ANKRD13B: variants seen among roughly 807,000 people sequenced by gnomAD.
ANKRD13B encodes ankyrin repeat domain 13B.
Under a neutral mutation model 74.4 loss-of-function variants are expected in ANKRD13B, and 33 were observed. That is an observed-to-expected ratio of 0.44 (90% CI 0.34 to 0.59). ANKRD13B has a LOEUF of 0.59. Ranked by LOEUF, ANKRD13B falls within the 20% of genes least tolerant of loss-of-function variation. The probability of loss-of-function intolerance (pLI) is 0.02; values close to 1 mark genes in which losing one functional copy is unlikely to be tolerated. For missense variants in ANKRD13B, 676 were observed against 877.9 expected (o/e 0.77, Z 2.91); for synonymous variants, 341 against 362.9 (o/e 0.94, Z 0.68).
chr17:29,601,072 C>T (rs2034159229), intron 1 of ANKRD13B, among the ~76,000 whole-genome samples: 1 of 151,618 alleles, frequency 6.6e-6, no homozygotes, highest in African/African-American at 2.4e-5. Flanking sequence ...GATAGGCATG[C>T]ACCACCACGC....
chr17:29,593,764 A>T, intron 1 of ANKRD13B, 29 bp downstream of exon 1: 1 of 1,321,066 alleles, frequency 7.6e-7, no homozygotes, highest in Non-Finnish European at 9.8e-7. Flanking sequence ...CGCCGCGGGG[A>T]CCCCGCGGCC....
intron 14 of ANKRD13B, 85 bp from the exon 15 acceptor site, chr17:29,613,269 G>A: frequency 7.2e-6 from 10 of 1,392,412 alleles, no homozygotes; most frequent in Non-Finnish European, 9.2e-6. Context: ...GCCGCGGGCC[G>A]CCCTGGAGCC....
At chr17:29,597,433 G>A (rs2071975081) in intron 1 of ANKRD13B, among the ~76,000 whole-genome samples, 1 of 152,110 alleles carries the variant, frequency 6.6e-6, no homozygotes. Context: ...GTACTAGAGT[G>A]TGGTGTGTGT....
intron 1 of ANKRD13B, among the ~76,000 whole-genome samples, chr17:29,606,728 TAAAAAAAAAAA>T (rs370548766): frequency 1.7e-4 from 11 of 62,974 alleles, no homozygotes; most frequent in South Asian, 1.3e-3. Flanking sequence ...CTGTCTCAAG[TAAAAAAAAAAA>T]AAAAAAAAAA....
rs959953671 is a variant in ANKRD13B at position 29,609,610 on chromosome 17, C to T, written c.822+189C>T. On this transcript the variant is annotated intron_variant, in intron 7 of 14. Coordinates refer to ENST00000394859, the MANE Select transcript of ANKRD13B (RefSeq NM_152345.5). The surrounding 1 kb of genome is among the most constrained non-coding windows in gnomAD (Gnocchi z 4.0). ...GATGTATGGATGTATACACAGGGCA[C>T]GTGCACACGCACACACACACACACA... is the stretch of plus-strand genomic sequence containing the variant. Among the ~76,000 whole-genome samples, 1 of 152,226 alleles carries T rather than the reference C, an allele frequency of 6.6e-6. No homozygotes were observed. Among genetic ancestry groups the T allele is most frequent in the Non-Finnish European group, 1.5e-5 (1 of 68,036 alleles).
intron 1 of ANKRD13B, among the ~76,000 whole-genome samples, chr17:29,595,374 AG>A (rs1157704861): frequency 6.6e-6 from 1 of 152,222 alleles, no homozygotes; most frequent in Non-Finnish European, 1.5e-5. Flanking sequence ...AGAACTTCCC[AG>A]GGGTCCAAGG....
In ANKRD13B at chr17:29,608,989, G is replaced by A. The variant is rs1352724213; in HGVS notation, c.560G>A (p.Gly187Asp). 1.2e-6 allele frequency: 2 copies of A among 1,614,002 alleles called. No individual in the cohort carries two copies. The highest frequency in any genetic ancestry group is 1.7e-5 in the Admixed American group (1 of 60,012). Residue 187 changes from glycine (G) to aspartate (D), a missense_variant, in exon 5 of 15, where the codon GGC becomes GAC. Coordinates refer to ENST00000394859, the MANE Select transcript of ANKRD13B (RefSeq NM_152345.5). The surrounding 1 kb of genome is among the most constrained non-coding windows in gnomAD (Gnocchi z 6.4). ...GGGAACCGCAGCTTTGTCTTCAGGG[G>A]CCAAGGTCAGGCAGGCAGGAAGTGG... ...QRGNRSFVFR[G>D]QDTSAVVMEI...
intron 1 of ANKRD13B, chr17:29,594,204 TTCTCTTTTAGCTCTCAA>T (rs1194175757): frequency 2.0e-5 from 3 of 152,346 alleles, no homozygotes; most frequent in Non-Finnish European, 4.4e-5. Context: ...GGTGAGCGCT[TTCTCTTTTAGCTCTCAA>T]ACTGGGCAGA....
intron 1 of ANKRD13B, among the ~76,000 whole-genome samples, chr17:29,603,432 T>C (rs1325966280): frequency 6.6e-6 from 1 of 152,138 alleles, no homozygotes; most frequent in African/African-American, 2.4e-5. Context: ...TGTTTTGTTT[T>C]GTTTTGTTTG....
chr17:29,604,414 G>A (rs2150887605), intron 1 of ANKRD13B, among the ~76,000 whole-genome samples: 1 of 152,108 alleles, frequency 6.6e-6, no homozygotes, highest in Non-Finnish European at 1.5e-5. Flanking sequence ...TTGGTATGTT[G>A]CCCAGGCTGG....
chr17:29,593,464 C>A lies in ANKRD13B; in HGVS notation c.-158C>A. 1 of 162,360 alleles carries A rather than the reference C, an allele frequency of 6.2e-6. No individual in the cohort carries two copies. Among genetic ancestry groups the A allele is most frequent in the Non-Finnish European group, 1.2e-5 (1 of 80,946 alleles). 10.1% of individuals were successfully genotyped at this position (162,360 alleles called of 1,614,324 possible). A position where few individuals can be genotyped will look rare whatever the true frequency, so the allele number is the denominator to read the frequency against. On this transcript the variant is annotated 5_prime_UTR_variant, in exon 1 of 15. Coordinates refer to ENST00000394859, the MANE Select transcript of ANKRD13B (RefSeq NM_152345.5). The stretch of plus-strand genomic sequence containing the variant: ...GTCGCCCGCGCCGCCCGCACCGCGC[C>A]GGGCGCGCCGCCCCCGCCCGCCGCC...
chr17:29,602,484 G>A (rs1431480470), intron 1 of ANKRD13B, among the ~76,000 whole-genome samples: 1 of 152,028 alleles, frequency 6.6e-6, no homozygotes, highest in African/African-American at 2.4e-5. Flanking sequence ...CCTTCCAAAG[G>A]CTCTAGGGAA....
rs1427297431 is a variant in ANKRD13B at position 29,612,244 on chromosome 17, G to C, written c.1229G>C (p.Arg410Pro). The C allele has an allele frequency of 3.1e-6, 5 of 1,614,080 alleles. No individual in the cohort carries two copies. The Admixed American group carries it at 6.7e-5, about 22-fold the overall frequency. The part of the protein sequence containing the change: ...FAKLRDFITL[R>P]LPPGFPVKIE... Reference sequence around the variant, plus strand: ...AAGCTCCGGGACTTCATCACCCTGCGTCTGCCTCCTGGCTTCCCAGTTAAG... The same window carrying C: ...AAGCTCCGGGACTTCATCACCCTGCCTCTGCCTCCTGGCTTCCCAGTTAAG... Residue 410 changes from arginine (R) to proline (P), a missense_variant, in exon 11 of 15, where the codon CGT becomes CCT. By Grantham distance (103) the Arg-to-Pro change is moderately radical (BLOSUM62 -2). Transcript: ENST00000394859. The surrounding 1 kb of genome is among the most constrained non-coding windows in gnomAD (Gnocchi z 6.1).
rs1256489535 is a variant in ANKRD13B at position 29,613,376 on chromosome 17, C to G, written c.1675C>G (p.Arg559Gly). 6.8e-7 allele frequency: 1 copy of G among 1,478,254 alleles called. No individual in the cohort carries two copies. Among genetic ancestry groups the G allele is most frequent in the Admixed American group, 2.4e-5 (1 of 41,558 alleles). 91.6% of individuals were successfully genotyped at this position (1,478,254 alleles called of 1,614,324 possible). Residue 559 changes from arginine (R) to glycine (G), a missense_variant, in exon 15 of 15, where the codon CGC becomes GGC. By Grantham distance (125) the Arg-to-Gly change is moderately radical. This residue lies in a region of ANKRD13B where 152 missense variants were observed against 181.4 expected (regional missense o/e 0.84). Coordinates refer to ENST00000394859, the MANE Select transcript of ANKRD13B (RefSeq NM_152345.5). ...QDRSAPPTPQ[R>G]QPAPPASVPS... ...CAGGAGCGCCCCGCCCACGCCGCAGCGCCAGCCTGCGCCCCCGGCGTCAGT... is the reference window on the plus strand; with the variant it reads ...CAGGAGCGCCCCGCCCACGCCGCAGGGCCAGCCTGCGCCCCCGGCGTCAGT...
rs1479724737 is a variant in ANKRD13B at position 29,614,143 on chromosome 17, G to T, written c.*561G>T. 3 of 151,866 alleles carry T rather than the reference G, an allele frequency of 2.0e-5. No individual in the cohort carries two copies. Among genetic ancestry groups the T allele is most frequent in the African/African-American group, 7.3e-5 (3 of 41,090 alleles). 9.4% of individuals were successfully genotyped at this position (151,866 alleles called of 1,614,324 possible). Reference sequence around the variant, plus strand: ...TCAAGTGCACTTAGCGGGGTACCCGGCTCCCCCAGCCCCCACACCCGTCCT... The same window carrying T: ...TCAAGTGCACTTAGCGGGGTACCCGTCTCCCCCAGCCCCCACACCCGTCCT... On this transcript the variant is annotated 3_prime_UTR_variant, in exon 15 of 15. Transcript: ENST00000394859.
chr17:29,605,464 A>ACGCAT (rs1404280990), intron 1 of ANKRD13B, among the ~76,000 whole-genome samples: 1 of 151,848 alleles, frequency 6.6e-6, no homozygotes, highest in African/African-American at 2.4e-5. Context: ...ATACACACAC[A>ACGCAT]CGCATATGTA....
chr17:29,607,048 CCCCCAAAAAAAACACAAAAAAAAA>C (rs1027510576), intron 1 of ANKRD13B, among the ~76,000 whole-genome samples: 3 of 151,536 alleles, frequency 2.0e-5, no homozygotes, highest in African/African-American at 7.3e-5. Context: ...AGACTCCGTC[CCCCCAAAAAAAACACAAAAAAAAA>C]CCCCAAAAAA....
chr17:29,608,727 C>T lies in ANKRD13B; in HGVS notation c.422-124C>T. On this transcript the variant is annotated intron_variant, in intron 4 of 14. Coordinates refer to ENST00000394859, the MANE Select transcript of ANKRD13B (RefSeq NM_152345.5). The surrounding 1 kb of genome is among the most constrained non-coding windows in gnomAD (Gnocchi z 6.4). ...CAGGGAGGGGGTTTTGGAGGAGAGGCTGCTCTCTCTTCAGTTCCCTCCCCT... is the reference window on the plus strand; with the variant it reads ...CAGGGAGGGGGTTTTGGAGGAGAGGTTGCTCTCTCTTCAGTTCCCTCCCCT... 1 of 1,331,710 alleles carries T rather than the reference C, an allele frequency of 7.5e-7. No individual in the cohort carries two copies. Among genetic ancestry groups the T allele is most frequent in the South Asian group, 1.5e-5 (1 of 68,624 alleles). 82.5% of individuals were successfully genotyped at this position (1,331,710 alleles called of 1,614,324 possible). A position where few individuals can be genotyped will look rare whatever the true frequency, so the allele number is the denominator to read the frequency against.
chr17:29,605,391 G>T (rs948810129), intron 1 of ANKRD13B, among the ~76,000 whole-genome samples: 11 of 150,924 alleles, frequency 7.3e-5, no homozygotes, highest in Admixed American at 2.0e-4. Flanking sequence ...TCTATATAGA[G>T]AAATATATAT....
Sources: allele counts gnomAD v4.1 joint callset (sites outside exome capture counted in the v4.1 genomes callset), GRCh38; gene constraint gnomAD v4.1.1; regional missense constraint gnomAD v4.1.1; non-coding constraint Gnocchi (gnomAD v3.1); transcripts MANE v1.5; gene names NCBI Gene and HGNC (gene_info 2026-07-23, HGNC 2026-07-21).